DIAPH2: variants seen among roughly 807,000 people sequenced by gnomAD.
DIAPH2 encodes the protein protein diaphanous homolog 2.
A neutral mutation model predicts 92.7 loss-of-function variants in DIAPH2; 35 were observed. That is an observed-to-expected ratio of 0.38 (90% CI 0.29 to 0.50). DIAPH2 has a LOEUF of 0.50. DIAPH2 is among the 20% of genes least tolerant of loss of function. DIAPH2 has a pLI of 0.94. For missense variants in DIAPH2, 701 were observed against 819.5 expected (o/e 0.86, Z 1.77); for synonymous variants, 301 against 280.4 (o/e 1.07, Z -0.73).
intron 17 of DIAPH2, among the ~76,000 whole-genome samples, chrX:96,986,866 T>C (rs898734581): frequency 9.0e-6 from 1 of 111,438 alleles, no homozygotes; most frequent in Non-Finnish European, 1.9e-5. Flanking sequence ...AAATAAACCA[T>C]TCAATAGACT....
intron 23 of DIAPH2, among the ~76,000 whole-genome samples, chrX:97,340,238 G>C (rs1175996995): frequency 9.0e-6 from 1 of 111,593 alleles, no homozygotes; most frequent in Admixed American, 9.6e-5. Context: ...AGAGGTTCTA[G>C]CATTAGTTAT....
intron 26 of DIAPH2, among the ~76,000 whole-genome samples, chrX:97,470,535 T>C (rs1038654661): frequency 9.0e-6 from 1 of 110,860 alleles, no homozygotes; most frequent in African/African-American, 3.3e-5. Flanking sequence ...ATTGAGATAC[T>C]TTAAGAATCC....
intron 17 of DIAPH2, among the ~76,000 whole-genome samples, chrX:97,036,732 T>A (rs2066413075): frequency 8.9e-6 from 1 of 112,046 alleles, no homozygotes; most frequent in South Asian, 3.8e-4. Flanking sequence ...GGGCACCTTT[T>A]GAGAGAGAGA....
intron 26 of DIAPH2, among the ~76,000 whole-genome samples, chrX:97,496,842 A>G (rs1324039908): frequency 9.0e-6 from 1 of 111,182 alleles, no homozygotes; most frequent in Non-Finnish European, 1.9e-5. Flanking sequence ...CCAGCCATGA[A>G]TTAGATTTTG....
intron 13 of DIAPH2, among the ~76,000 whole-genome samples, chrX:96,943,548 A>T (rs1235506190): frequency 1.8e-5 from 2 of 111,126 alleles, no homozygotes; most frequent in Non-Finnish European, 3.8e-5. Context: ...AAATATGTAT[A>T]TTAGCTTATA....
At chrX:97,197,798 T>A in intron 22 of DIAPH2, among the ~76,000 whole-genome samples, 1 of 112,034 alleles carries the variant, frequency 8.9e-6, no homozygotes, top group South Asian at 3.8e-4. Context: ...TTTGAAGTGT[T>A]CAGGTCATTT....
At chrX:97,456,377 A>C (rs892976627) in intron 26 of DIAPH2, among the ~76,000 whole-genome samples, 1 of 108,287 alleles carries the variant, frequency 9.2e-6, no homozygotes, top group African/African-American at 3.4e-5. Context: ...ACAGAGCAAG[A>C]CTCCGTCTCA....
At chrX:96,810,336 A>T (rs1262110799) in intron 4 of DIAPH2, among the ~76,000 whole-genome samples, 1 of 112,004 alleles carries the variant, frequency 8.9e-6, no homozygotes, top group African/African-American at 3.2e-5. Flanking sequence ...GTGTCTGTTC[A>T]TATCTTTCAC....
At chrX:96,845,413 A>G (rs1044337852) in intron 4 of DIAPH2, among the ~76,000 whole-genome samples, 2 of 112,524 alleles carry the variant, frequency 1.8e-5, no homozygotes, top group African/African-American at 6.5e-5. Context: ...AGAAGCAGCT[A>G]TCAGTTAATT....
intron 4 of DIAPH2, among the ~76,000 whole-genome samples, chrX:96,870,834 A>G (rs996787634): frequency 8.0e-5 from 9 of 111,980 alleles, no homozygotes; most frequent in African/African-American, 2.6e-4. Context: ...GTATAGCTTC[A>G]TTACCTACTT....
In DIAPH2 at chrX:96,807,944, C is replaced by CAAAAAAAAAAAAAAAAAAAAAAAAAAA. The variant is rs541681495; in HGVS notation, c.447+49699_447+49725dup. Among the ~76,000 whole-genome samples the CAAAAAAAAAAAAAAAAAAAAAAAAAAA allele has an allele frequency of 1.4e-4, 2 of 14,490 alleles. 1 individual carries two copies. The highest frequency in any genetic ancestry group is 2.4e-4 in the Non-Finnish European group (2 of 8,260). 12.6% of individuals were successfully genotyped at this position (14,490 alleles called of 115,157 possible). A position where few individuals can be genotyped will look rare whatever the true frequency, so the allele number is the denominator to read the frequency against. ...GTGAGATTTGGTATTGTAGAAATAG[C>CAAAAAAAAAAAAAAAAAAAAAAAAAAA]AAAAAAAAAAAAAAAAAAAAAAAAA... On this transcript the variant is annotated intron_variant, in intron 4 of 26. Coordinates refer to ENST00000324765, the MANE Select transcript of DIAPH2 (RefSeq NM_006729.5).
chrX:96,722,548 A>G (rs1427698018), intron 1 of DIAPH2, among the ~76,000 whole-genome samples: 6 of 111,318 alleles, frequency 5.4e-5, no homozygotes, highest in African/African-American at 2.0e-4. Context: ...GCTACATTTA[A>G]AATAATTGGA....
chrX:97,312,843 C>T (rs1045802657), intron 23 of DIAPH2, among the ~76,000 whole-genome samples: 13 of 110,922 alleles, frequency 1.2e-4, no homozygotes, highest in African/African-American at 3.6e-4. Flanking sequence ...ATTAATTGGA[C>T]ACTTCTGAGC....
At chrX:97,014,039 A>G (rs778006568) in intron 17 of DIAPH2, among the ~76,000 whole-genome samples, 36 of 112,056 alleles carry the variant, frequency 3.2e-4, no homozygotes, top group Non-Finnish European at 5.8e-4. Context: ...TATTATTTCT[A>G]TCTTTCCCAT....
chrX:96,936,415 A>G (rs1461351928), intron 10 of DIAPH2, among the ~76,000 whole-genome samples: 1 of 111,846 alleles, frequency 8.9e-6, no homozygotes, highest in Admixed American at 9.5e-5. Flanking sequence ...CACTTTCGGT[A>G]TCACCCTTGA....
chrX:97,332,703 A>G (rs762749804), intron 23 of DIAPH2, among the ~76,000 whole-genome samples: 8 of 111,898 alleles, frequency 7.1e-5, no homozygotes, highest in East Asian at 5.6e-4. Context: ...GTACATATTC[A>G]TTCCAAAACA....
At chrX:97,147,225 G>A (rs1264258719) in intron 22 of DIAPH2, among the ~76,000 whole-genome samples, 1 of 111,051 alleles carries the variant, frequency 9.0e-6, no homozygotes, top group Non-Finnish European at 1.9e-5. Flanking sequence ...TTATAAATCT[G>A]TGGGTCATTT....
At chrX:97,384,633 G>A (rs892762150) in intron 25 of DIAPH2, among the ~76,000 whole-genome samples, 15 of 111,151 alleles carry the variant, frequency 1.3e-4, no homozygotes, top group Non-Finnish European at 5.7e-5. Flanking sequence ...TTGGGAGACC[G>A]AGGCGGGAGG....
chrX:97,299,616 C>T (rs144190293), intron 23 of DIAPH2, among the ~76,000 whole-genome samples: 1,389 of 112,132 alleles, frequency 0.012, 22 homozygotes, highest in African/African-American at 0.043. Context: ...CCTCAGACAT[C>T]TGATATAAAG....
Sources: gnomAD v4.1 joint callset for allele counts (sites outside exome capture counted in the v4.1 genomes callset) on GRCh38, gnomAD v4.1.1 for gene constraint, MANE v1.5 for transcripts, NCBI Gene and HGNC (gene_info 2026-07-23, HGNC 2026-07-21) for gene names.